The following PKIA variants were observed in gnomAD, a reference collection of about 807,000 sequenced individuals.
The protein encoded by PKIA is PKI-alpha.
PKIA carries 4 observed loss-of-function variants against 7.6 expected under a neutral mutation model. The ratio of observed to expected loss-of-function variants is 0.52; its 90% CI spans 0.26 to 1.20. The LOEUF (loss-of-function observed/expected upper bound fraction) is 1.20. Ranked by LOEUF, PKIA falls within the 50% of genes most tolerant of loss-of-function variation. PKIA has a pLI of 0.13. For missense variants in PKIA, 73 were observed against 86.2 expected, an observed-to-expected ratio of 0.85 and a Z score of 0.61; for synonymous variants, 21 against 30.7, an observed-to-expected ratio of 0.68 and a Z score of 1.04.
chr8:78,568,295 A>G (rs949015844), intron 1 of PKIA, among the ~76,000 whole-genome samples: 2 of 152,152 alleles, frequency 1.3e-5, no homozygotes, highest in African/African-American at 4.8e-5. Flanking sequence ...TTTCACCTTC[A>G]ACAGAACACT....
At chr8:78,595,432 T>A (rs1808204762) in intron 2 of PKIA, among the ~76,000 whole-genome samples, 1 of 152,282 alleles carries the variant, frequency 6.6e-6, no homozygotes, top group East Asian at 1.9e-4. Flanking sequence ...TTTTTGTTTG[T>A]TTCACCTTCC....
intron 1 of PKIA, among the ~76,000 whole-genome samples, chr8:78,557,834 T>G (rs542540365): frequency 6.7e-6 from 1 of 148,836 alleles, no homozygotes; most frequent in Admixed American, 6.8e-5. Context: ...AGTAGTACAA[T>G]GTTGCTTGTC....
At chr8:78,574,880 A>G (rs1179448272) in intron 2 of PKIA, among the ~76,000 whole-genome samples, 2 of 151,938 alleles carry the variant, frequency 1.3e-5, no homozygotes, top group African/African-American at 4.8e-5. Flanking sequence ...ACACAGCCAA[A>G]AGACTAGTAT....
At chr8:78,561,513 A>G (rs1480873861) in intron 1 of PKIA, among the ~76,000 whole-genome samples, 3 of 151,686 alleles carry the variant, frequency 2.0e-5, no homozygotes, top group African/African-American at 7.3e-5. Flanking sequence ...TCTCTGTCAC[A>G]ATCTTCTCCA....
chr8:78,589,649 T>C (rs1808045020), intron 2 of PKIA, among the ~76,000 whole-genome samples: 1 of 152,198 alleles, frequency 6.6e-6, no homozygotes, highest in East Asian at 1.9e-4. Context: ...TCAGTGGCAC[T>C]GAACTCTCCT....
chr8:78,590,460 T>G (rs1808067913), intron 2 of PKIA, among the ~76,000 whole-genome samples: 1 of 152,058 alleles, frequency 6.6e-6, no homozygotes, highest in African/African-American at 2.4e-5. Flanking sequence ...TCTCCTCACT[T>G]TTCCAGCTAA....
At chr8:78,593,023 A>G (rs538949191) in intron 2 of PKIA, among the ~76,000 whole-genome samples, 1 of 152,270 alleles carries the variant, frequency 6.6e-6, no homozygotes, top group African/African-American at 2.4e-5. Context: ...GTTACTTAAA[A>G]TCTCTGAGAC....
chr8:78,602,047 G>T lies in PKIA; in HGVS notation c.*226G>T. On this transcript the variant is annotated 3_prime_UTR_variant, in exon 4 of 4. Coordinates refer to ENST00000396418, the MANE Select transcript of PKIA (RefSeq NM_006823.4). ...GGTTGAAATCATGTGGCTTGTGTTT[G>T]GGCGTCATTTTTGTATGGATCCTTT... 1.8e-6 allele frequency: 1 copy of T among 542,194 alleles called. No homozygotes were observed. The highest frequency in any genetic ancestry group is 3.3e-6 in the Non-Finnish European group (1 of 305,520). The allele number at this position is 542,194 out of a possible 1,614,324, so 33.6% of individuals were successfully genotyped here.
chr8:78,535,904 A>T (rs34557225), intron 1 of PKIA: 37,243 of 151,910 alleles, frequency 0.25, 5,151 homozygotes, highest in African/African-American at 0.38. Flanking sequence ...TACAGGGGTG[A>T]CCTGGAACCA....
chr8:78,600,115 C>T (rs1247022181), intron 3 of PKIA, among the ~76,000 whole-genome samples: 1 of 151,616 alleles, frequency 6.6e-6, no homozygotes, highest in African/African-American at 2.4e-5. Context: ...TAGGCTCTTG[C>T]AACATTTTCT....
intron 1 of PKIA, among the ~76,000 whole-genome samples, chr8:78,557,975 T>C (rs1393432006): frequency 6.6e-6 from 1 of 152,242 alleles, no homozygotes; most frequent in Non-Finnish European, 1.5e-5. Flanking sequence ...GACTCTAAGA[T>C]GTCTTTTTTC....
rs910977883 is a variant in PKIA at position 78,605,174 on chromosome 8, G to C, written c.*3353G>C. On this transcript the variant is annotated 3_prime_UTR_variant, in exon 4 of 4. Coordinates refer to ENST00000396418, the MANE Select transcript of PKIA (RefSeq NM_006823.4). ...TTTAATTACAAGAGTGGCAGTCTCT[G>C]AAGTCATTTGTGAGCTTGTATGACT... 16 of 151,974 alleles carry C rather than the reference G, an allele frequency of 1.1e-4. No individual in the cohort carries two copies. Among genetic ancestry groups the C allele is most frequent in the Non-Finnish European group, 1.6e-4 (11 of 67,948 alleles). The allele number at this position is 151,974 out of a possible 1,614,324, so 9.4% of individuals were successfully genotyped here.
chr8:78,601,349 G>T (rs766000264), intron 3 of PKIA, among the ~76,000 whole-genome samples: 1 of 152,004 alleles, frequency 6.6e-6, no homozygotes, highest in Non-Finnish European at 1.5e-5. Context: ...AGACAATCAG[G>T]CATAAAAAGG....
intron 1 of PKIA, among the ~76,000 whole-genome samples, chr8:78,537,016 G>A (rs1261065017): frequency 1.3e-5 from 2 of 151,736 alleles, no homozygotes. Context: ...AAGTGTCAGG[G>A]CATATGGCTG....
chr8:78,519,700 T>C (rs1425666411), intron 1 of PKIA, among the ~76,000 whole-genome samples: 1 of 152,286 alleles, frequency 6.6e-6, no homozygotes, highest in East Asian at 1.9e-4. Flanking sequence ...AAGGTAATAT[T>C]AAGTACTATG....
chr8:78,540,009 G>A (rs1806636209), intron 1 of PKIA, among the ~76,000 whole-genome samples: 1 of 151,760 alleles, frequency 6.6e-6, no homozygotes, highest in Admixed American at 6.6e-5. Flanking sequence ...TAGTTCATTG[G>A]GGTCAAGAAG....
At chr8:78,589,470 A>G (rs1468282477) in intron 2 of PKIA, among the ~76,000 whole-genome samples, 1 of 152,196 alleles carries the variant, frequency 6.6e-6, no homozygotes, top group Non-Finnish European at 1.5e-5. Flanking sequence ...TTTACGTGTT[A>G]AACATTGTAG....
At chr8:78,545,329 G>A (rs989514098) in intron 1 of PKIA, among the ~76,000 whole-genome samples, 1 of 152,084 alleles carries the variant, frequency 6.6e-6, no homozygotes, top group African/African-American at 2.4e-5. Flanking sequence ...GTTGTGGGCT[G>A]AGATAGAAAT....
At chr8:78,547,674 G>GT (rs2118449894) in intron 1 of PKIA, among the ~76,000 whole-genome samples, 1 of 152,268 alleles carries the variant, frequency 6.6e-6, no homozygotes, top group East Asian at 1.9e-4. Flanking sequence ...TAGGAAAGTG[G>GT]TGACTGAGAG....
Sources: allele counts gnomAD v4.1 joint callset (sites outside exome capture counted in the v4.1 genomes callset), GRCh38; gene constraint gnomAD v4.1.1; transcripts MANE v1.5; gene names NCBI Gene and HGNC (gene_info 2026-07-23, HGNC 2026-07-21).